NCAM1: variants seen among roughly 807,000 people sequenced by gnomAD.
NCAM1 encodes antigen recognized by monoclonal antibody 5.1H11.
A neutral mutation model predicts 109.8 loss-of-function variants in NCAM1; 14 were observed. The observed-to-expected ratio is 0.13, with a 90% CI of 0.08 to 0.20. The LOEUF (loss-of-function observed/expected upper bound fraction) is 0.20. NCAM1 is among the 10% of genes least tolerant of loss of function. NCAM1 has a pLI of 1.00. For synonymous variants in NCAM1, 418 were observed against 442.9 expected (o/e 0.94, Z 0.70); for missense variants, 774 against 1,109.9 (o/e 0.70, Z 4.30).
intron 1 of NCAM1, among the ~76,000 whole-genome samples, chr11:113,179,553 G>A (rs782610817): frequency 6.6e-6 from 1 of 152,230 alleles, no homozygotes; most frequent in Admixed American, 6.5e-5. Flanking sequence ...TGGTGAGGGA[G>A]AGGCAGGTAT....
At chr11:112,995,028 A>T (rs1317484146) in intron 1 of NCAM1, among the ~76,000 whole-genome samples, 1 of 152,174 alleles carries the variant, frequency 6.6e-6, no homozygotes, top group Non-Finnish European at 1.5e-5. Flanking sequence ...GCCTTGTCTC[A>T]GTAACTGGAG....
chr11:113,177,307 T>C (rs1442988483), intron 1 of NCAM1, among the ~76,000 whole-genome samples: 1 of 152,180 alleles, frequency 6.6e-6, no homozygotes, highest in Non-Finnish European at 1.5e-5. Context: ...CATGCTAGGA[T>C]GCTGCTGCTG....
At chr11:112,961,829 C>T (rs1555063158) in intron 1 of NCAM1, among the ~76,000 whole-genome samples, 165 bp downstream of exon 1, 1 of 152,158 alleles carries the variant, frequency 6.6e-6, no homozygotes, top group African/African-American at 2.4e-5. Flanking sequence ...CCCAGCCGAA[C>T]CCCGCTCCCT....
At chr11:113,159,928 A>G (rs1290117853) in intron 1 of NCAM1, among the ~76,000 whole-genome samples, 3 of 144,562 alleles carry the variant, frequency 2.1e-5, no homozygotes, top group Non-Finnish European at 4.5e-5. Flanking sequence ...ATGTAGTTGT[A>G]GCTTTTAGCA....
chr11:113,126,180 T>TA (rs1387201462), intron 1 of NCAM1, among the ~76,000 whole-genome samples: 1 of 149,640 alleles, frequency 6.7e-6, no homozygotes, highest in Admixed American at 6.7e-5. Flanking sequence ...ATAGTAAGAA[T>TA]AAAACCCTCC....
At chr11:113,003,416 T>C (rs928265941) in intron 1 of NCAM1, among the ~76,000 whole-genome samples, 4 of 152,228 alleles carry the variant, frequency 2.6e-5, no homozygotes, top group African/African-American at 9.6e-5. Flanking sequence ...TGCAGTTGTC[T>C]TGTGTTGTGT....
At chr11:113,025,772 G>C in intron 1 of NCAM1, among the ~76,000 whole-genome samples, 1 of 137,456 alleles carries the variant, frequency 7.3e-6, no homozygotes, top group South Asian at 2.4e-4. Context: ...GAACGACACA[G>C]GGAGCCGAGA....
chr11:113,220,602 C>CTT (rs1175342641), intron 8 of NCAM1, among the ~76,000 whole-genome samples: 2,802 of 75,382 alleles, frequency 0.037, 398 homozygotes, highest in African/African-American at 0.11. Flanking sequence ...CTCTCTCTCT[C>CTT]TTTTTTTTTT....
intron 16 of NCAM1, among the ~76,000 whole-genome samples, chr11:113,257,993 C>T (rs951886750): frequency 6.6e-6 from 1 of 152,258 alleles, no homozygotes; most frequent in Non-Finnish European, 1.5e-5. Context: ...CTAAAGGCAT[C>T]TCTTTGGCTA....
intron 1 of NCAM1, among the ~76,000 whole-genome samples, chr11:113,168,504 G>C (rs566095499): frequency 6.6e-6 from 1 of 152,160 alleles, no homozygotes; most frequent in Non-Finnish European, 1.5e-5. Context: ...GAAGGGCAGC[G>C]TGTGTCCTCC....
intron 1 of NCAM1, among the ~76,000 whole-genome samples, chr11:113,099,404 G>A (rs1939759682): frequency 6.6e-6 from 1 of 152,174 alleles, no homozygotes; most frequent in Non-Finnish European, 1.5e-5. Flanking sequence ...GTTCTCGTGA[G>A]TTTATCACTC....
chr11:113,237,859 T>TATATAGATATATAGATATATAG (rs1565521100), intron 14 of NCAM1, among the ~76,000 whole-genome samples: 1 of 59,814 alleles, frequency 1.7e-5, no homozygotes, highest in African/African-American at 5.4e-5. Context: ...TGAGACCATA[T>TATATAGATATATAGATATATAG]ATATAGATAT....
In NCAM1 at chr11:113,055,230, A is replaced by C. The variant is rs186823896; in HGVS notation, c.52+93566A>C. Among the ~76,000 whole-genome samples, 16 of 152,268 alleles carry C rather than the reference A, an allele frequency of 1.1e-4. No individual in the cohort carries two copies. The South Asian group carries it at 1.9e-3, about 18-fold the overall frequency. On this transcript the variant is annotated intron_variant, in intron 1 of 19. Transcript: ENST00000316851. ...TTTCCTTAGTGTATTGTTGGCTATA[A>C]ATTATTAAGATATATTTAATAAGGC...
At chr11:113,229,616 A>G (rs563106186) in intron 9 of NCAM1, among the ~76,000 whole-genome samples, 3 of 152,262 alleles carry the variant, frequency 2.0e-5, no homozygotes, top group Admixed American at 6.5e-5. Flanking sequence ...TCATTCTGCT[A>G]TAAAGACACA....
At chr11:113,063,273 A>G (rs1937764800) in intron 1 of NCAM1, among the ~76,000 whole-genome samples, 1 of 152,148 alleles carries the variant, frequency 6.6e-6, no homozygotes, top group Non-Finnish European at 1.5e-5. Context: ...CTTTCCTGAG[A>G]TTCATAGCCA....
At chr11:113,207,108 C>T (rs782260836) in intron 5 of NCAM1, among the ~76,000 whole-genome samples, 153 bp from the exon 6 acceptor site, 2 of 152,212 alleles carry the variant, frequency 1.3e-5, no homozygotes, top group African/African-American at 2.4e-5. Flanking sequence ...TTAGTACATA[C>T]ATGAATTTCA....
intron 1 of NCAM1, among the ~76,000 whole-genome samples, chr11:112,966,636 G>A (rs2134480359): frequency 6.6e-6 from 1 of 152,336 alleles, no homozygotes; most frequent in East Asian, 1.9e-4. Flanking sequence ...GATGTAAAGG[G>A]ATGTAAATTA....
At chr11:113,173,340 C>T (rs116957252) in intron 1 of NCAM1, among the ~76,000 whole-genome samples, 82 of 151,870 alleles carry the variant, frequency 5.4e-4, no homozygotes, top group Middle Eastern at 3.4e-3. Context: ...TAAGAATCTC[C>T]GTAAACCTGG....
In NCAM1 at chr11:112,962,245, G is replaced by A. The variant is rs1343309403; in HGVS notation, c.52+581G>A. 6.6e-6 allele frequency among the ~76,000 whole-genome samples: 1 copy of A among 152,230 alleles called. No homozygotes were observed. The highest frequency in any genetic ancestry group is 1.9e-4 in the East Asian group (1 of 5,194). Reference sequence around the variant, plus strand: ...GCAAAATGGGCAGAATCGCACGGCCGTTGTTGTTGGTGTGACCGTTGTTGC... The same window carrying A: ...GCAAAATGGGCAGAATCGCACGGCCATTGTTGTTGGTGTGACCGTTGTTGC... On this transcript the variant is annotated intron_variant, in intron 1 of 19. Coordinates refer to ENST00000316851, the MANE Select transcript of NCAM1 (RefSeq NM_181351.5). The surrounding 1 kb of genome is among the most constrained non-coding windows in gnomAD (Gnocchi z 5.6).
Sources: allele counts gnomAD v4.1 joint callset (sites outside exome capture counted in the v4.1 genomes callset), GRCh38; gene constraint gnomAD v4.1.1; non-coding constraint Gnocchi (gnomAD v3.1); transcripts MANE v1.5; gene names NCBI Gene and HGNC (gene_info 2026-07-23, HGNC 2026-07-21).